The following PLCXD3 variants were observed in gnomAD, a reference collection of about 807,000 sequenced individuals.
PLCXD3 encodes PI-PLC X domain-containing protein 3.
Under a neutral mutation model 25.5 loss-of-function variants are expected in PLCXD3, and 19 were observed. The observed-to-expected ratio is 0.75, with a 90% CI of 0.52 to 1.09. The LOEUF (loss-of-function observed/expected upper bound fraction) is 1.09. Among genes scored for constraint, PLCXD3 ranks in the 50% least tolerant of loss-of-function variants. The pLI is 0.00. For missense variants in PLCXD3, 411 were observed against 388.1 expected (o/e 1.06, Z -0.50); for synonymous variants, 174 against 137.6 (o/e 1.26, Z -1.85).
At chr5:41,315,055 A>G (rs1470107519) in intron 2 of PLCXD3, among the ~76,000 whole-genome samples, 3 of 152,176 alleles carry the variant, frequency 2.0e-5, no homozygotes, top group African/African-American at 7.2e-5. Context: ...CAGAGGAAAT[A>G]CCATTTTTTC....
At chr5:41,457,159 G>A (rs1021940623) in intron 1 of PLCXD3, among the ~76,000 whole-genome samples, 1 of 151,862 alleles carries the variant, frequency 6.6e-6, no homozygotes, top group Non-Finnish European at 1.5e-5. Flanking sequence ...AAATTCTGTT[G>A]GATAATGAAC....
intron 2 of PLCXD3, among the ~76,000 whole-genome samples, chr5:41,345,448 C>T (rs1012682377): frequency 4.6e-5 from 7 of 152,070 alleles, no homozygotes; most frequent in South Asian, 4.1e-4. Flanking sequence ...GTTTATCTAA[C>T]GTTATCTACT....
chr5:41,400,978 T>C (rs919354821), intron 1 of PLCXD3, among the ~76,000 whole-genome samples: 1 of 144,602 alleles, frequency 6.9e-6, no homozygotes, highest in African/African-American at 2.6e-5. Context: ...ATACCTATTA[T>C]GTACACATGA....
At chr5:41,365,840 T>G (rs1744919242) in intron 2 of PLCXD3, among the ~76,000 whole-genome samples, 2 of 152,090 alleles carry the variant, frequency 1.3e-5, no homozygotes, top group Admixed American at 1.3e-4. Context: ...ACTTGAAATA[T>G]CTCAAGCGGA....
At chr5:41,370,745 G>A (rs1012335695) in intron 2 of PLCXD3, among the ~76,000 whole-genome samples, 1 of 152,034 alleles carries the variant, frequency 6.6e-6, no homozygotes, top group African/African-American at 2.4e-5. Context: ...ACAAGCCCAA[G>A]AAAAAATATG....
intron 2 of PLCXD3, among the ~76,000 whole-genome samples, chr5:41,348,631 C>T (rs1432090658): frequency 6.6e-6 from 1 of 152,010 alleles, no homozygotes; most frequent in Non-Finnish European, 1.5e-5. Context: ...CAGAAAATTA[C>T]TGAGTTTTTT....
At chr5:41,435,671 T>G (rs1027484234) in intron 1 of PLCXD3, among the ~76,000 whole-genome samples, 4 of 152,194 alleles carry the variant, frequency 2.6e-5, no homozygotes, top group Non-Finnish European at 4.4e-5. Flanking sequence ...TGATAGAACT[T>G]CCCAAAACAC....
chr5:41,443,322 C>T (rs1012427869), intron 1 of PLCXD3, among the ~76,000 whole-genome samples: 9 of 151,808 alleles, frequency 5.9e-5, no homozygotes, highest in Admixed American at 1.3e-4. Flanking sequence ...TTTGTAGGGT[C>T]GGTGCAATGT....
At chr5:41,491,743 A>G (rs1040352717) in intron 1 of PLCXD3, among the ~76,000 whole-genome samples, 7 of 151,962 alleles carry the variant, frequency 4.6e-5, no homozygotes, top group African/African-American at 1.7e-4. Flanking sequence ...TTTATCAGAG[A>G]CTAGGATTGC....
rs1044935195 is a variant in PLCXD3, at chr5:41,432,562, G to A, written c.104-50028C>T. Among the ~76,000 whole-genome samples, 18 of 152,268 alleles carry A rather than the reference G, an allele frequency of 1.2e-4. 1 individual carries two copies. Among genetic ancestry groups the A allele is most frequent in the Non-Finnish European group, 1.8e-4 (12 of 68,018 alleles). On this transcript the variant is annotated intron_variant, in intron 1 of 2. Transcript: ENST00000377801. ...TTTTAATGTCTTCCCTAAAAGTTAT[G>A]TTAAAACTGTCTTTTCCAAAGTACA...
intron 1 of PLCXD3, among the ~76,000 whole-genome samples, chr5:41,492,721 A>T (rs1290304361): frequency 6.6e-6 from 1 of 152,182 alleles, no homozygotes; most frequent in African/African-American, 2.4e-5. Flanking sequence ...AGTTGACCGC[A>T]TCAGCTCCTG....
chr5:41,412,280 G>T (rs1460560385), intron 1 of PLCXD3, among the ~76,000 whole-genome samples: 1 of 152,068 alleles, frequency 6.6e-6, no homozygotes, highest in East Asian at 1.9e-4. Context: ...TTCAAACATT[G>T]TTTAAATGAT....
At chr5:41,485,854 A>T (rs1326530304) in intron 1 of PLCXD3, among the ~76,000 whole-genome samples, 1 of 152,124 alleles carries the variant, frequency 6.6e-6, no homozygotes, top group African/African-American at 2.4e-5. Context: ...GTTTCTACTG[A>T]CCTGCTCTTA....
intron 2 of PLCXD3, among the ~76,000 whole-genome samples, chr5:41,323,070 G>A (rs930478154): frequency 3.3e-5 from 5 of 152,152 alleles, no homozygotes; most frequent in Admixed American, 6.5e-5. Flanking sequence ...CATTTGCAAC[G>A]ACATGCATGG....
chr5:41,327,682 A>G (rs925739361), intron 2 of PLCXD3, among the ~76,000 whole-genome samples: 1 of 152,234 alleles, frequency 6.6e-6, no homozygotes, highest in Non-Finnish European at 1.5e-5. Context: ...TTGAATTTGT[A>G]TATTAACATT....
chr5:41,480,397 T>C (rs920681030), intron 1 of PLCXD3, among the ~76,000 whole-genome samples: 7 of 151,922 alleles, frequency 4.6e-5, no homozygotes, highest in Admixed American at 4.6e-4. Flanking sequence ...AAAGTTGTTT[T>C]TTTTTTTTTT....
chr5:41,395,969 C>T (rs1314280044), intron 1 of PLCXD3, among the ~76,000 whole-genome samples: 1 of 150,348 alleles, frequency 6.7e-6, no homozygotes, highest in Admixed American at 6.6e-5. Context: ...CCAGCATACC[C>T]TGATACTAAA....
intron 1 of PLCXD3, among the ~76,000 whole-genome samples, chr5:41,416,664 T>C (rs1415485050): frequency 6.6e-6 from 1 of 152,188 alleles, no homozygotes; most frequent in Admixed American, 6.5e-5. Flanking sequence ...GAGCCAAAGA[T>C]AGAGCTGGGC....
At position 41,459,098 on chromosome 5, in the gene PLCXD3, G is replaced by T. The variant is rs149684915; in HGVS notation, c.103+51326C>A. Among the ~76,000 whole-genome samples, 274 of 151,846 alleles carry T rather than the reference G, an allele frequency of 1.8e-3. 2 individuals are homozygous for T. The highest frequency in any genetic ancestry group is 6.4e-3 in the African/African-American group (265 of 41,456). ...TTCAATGCCAAGTACTCTTTCAAGGGTCTAAATAGAAAAATAGTAGAGTTA... is the reference window on the plus strand; with the variant it reads ...TTCAATGCCAAGTACTCTTTCAAGGTTCTAAATAGAAAAATAGTAGAGTTA... On this transcript the variant is annotated intron_variant, in intron 1 of 2. Transcript: ENST00000377801.
Sources: gnomAD v4.1 joint callset for allele counts (sites outside exome capture counted in the v4.1 genomes callset) on GRCh38, gnomAD v4.1.1 for gene constraint, MANE v1.5 for transcripts, NCBI Gene and HGNC (gene_info 2026-07-23, HGNC 2026-07-21) for gene names.